Variants in KIF26B observed in about 807,000 individuals in gnomAD.
The protein encoded by KIF26B is kinesin-like protein KIF26B.
Under a neutral mutation model 151.2 loss-of-function variants are expected in KIF26B, and 63 were observed. The ratio of observed to expected loss-of-function variants is 0.42; its 90% CI spans 0.34 to 0.51. KIF26B has a LOEUF of 0.51. KIF26B is among the 20% of genes least tolerant of loss of function. The pLI is 0.07. For synonymous variants in KIF26B, 1,357 were observed against 1,262.1 expected (o/e 1.08, Z -1.59); for missense variants, 2,813 against 2,913.6 (o/e 0.97, Z 0.79).
At chr1:245,164,149 T>G (rs554684747) in intron 2 of KIF26B, among the ~76,000 whole-genome samples, 12 of 152,362 alleles carry the variant, frequency 7.9e-5, no homozygotes, top group African/African-American at 2.9e-4. Flanking sequence ...TTTAGTGTTT[T>G]ATTAGGAATG....
chr1:245,458,600 G>A (rs184777298), intron 4 of KIF26B, among the ~76,000 whole-genome samples: 4 of 152,272 alleles, frequency 2.6e-5, no homozygotes, highest in South Asian at 2.1e-4. Context: ...TAGAGTAGAC[G>A]CTCATAATAG....
At chr1:245,523,121 C>A (rs531278082) in intron 4 of KIF26B, among the ~76,000 whole-genome samples, 1 of 152,286 alleles carries the variant, frequency 6.6e-6, no homozygotes, top group Admixed American at 6.5e-5. Flanking sequence ...TGACCATGGC[C>A]ACAGAGCTCT....
rs1339299772 is a variant in KIF26B, at chr1:245,640,107, G to A, written c.2099-6014G>A. Among the ~76,000 whole-genome samples, 3 of 76,014 alleles carry A rather than the reference G, an allele frequency of 3.9e-5. No individual in the cohort carries two copies. In the East Asian group the frequency reaches 1.3e-3, roughly 34 times the overall value. The allele number at this position is 76,014 out of a possible 152,430, so 49.9% of individuals were successfully genotyped here. On this transcript the variant is annotated intron_variant, in intron 9 of 14. Transcript: ENST00000407071. ...TATTGTAGTCTACCTCTCCTGTTTA[G>A]ATCTACTAATATTTGCTCTCTCTCT...
rs547373786 is a variant in KIF26B at position 245,170,430 on chromosome 1, G to A, written c.465+13747G>A. On this transcript the variant is annotated intron_variant, in intron 2 of 14. Coordinates refer to ENST00000407071, the MANE Select transcript of KIF26B (RefSeq NM_018012.4). The surrounding 1 kb of genome is among the most constrained non-coding windows in gnomAD (Gnocchi z 4.4). ...AATGCTCACTGGATGCTTACAATTG[G>A]TTCCAGGTGTTCCAGGGACGAAACT... Among the ~76,000 whole-genome samples, 137 of 152,294 alleles carry A rather than the reference G, an allele frequency of 9.0e-4. No homozygotes were observed. Among genetic ancestry groups the A allele is most frequent in the African/African-American group, 3.2e-3 (135 of 41,576 alleles).
chr1:245,435,293 C>A (rs1658890589), intron 4 of KIF26B, among the ~76,000 whole-genome samples: 1 of 152,226 alleles, frequency 6.6e-6, no homozygotes, highest in Non-Finnish European at 1.5e-5. Flanking sequence ...TCCAGCAGGG[C>A]AGCCAGTCCC....
chr1:245,517,799 C>T (rs1486496281), intron 4 of KIF26B, among the ~76,000 whole-genome samples: 1 of 149,894 alleles, frequency 6.7e-6, no homozygotes, highest in African/African-American at 2.5e-5. Flanking sequence ...GAAGGGAGGG[C>T]GTTTGGGCAG....
chr1:245,374,110 T>A (rs1358294090), intron 3 of KIF26B, among the ~76,000 whole-genome samples: 3 of 47,166 alleles, frequency 6.4e-5, no homozygotes, highest in African/African-American at 1.2e-4. Context: ...TATATATATA[T>A]ATATATATAT....
intron 3 of KIF26B, among the ~76,000 whole-genome samples, chr1:245,397,803 C>A (rs1673884449): frequency 6.6e-6 from 1 of 152,088 alleles, no homozygotes; most frequent in Non-Finnish European, 1.5e-5. Flanking sequence ...TTTTATTGCT[C>A]CTGAGAATAG....
At chr1:245,431,160 A>T (rs1360532613) in intron 4 of KIF26B, among the ~76,000 whole-genome samples, 1 of 152,106 alleles carries the variant, frequency 6.6e-6, no homozygotes, top group East Asian at 1.9e-4. Flanking sequence ...CACAGAAGCT[A>T]TAGGGGGAAG....
chr1:245,285,504 T>C (rs1320221350), intron 2 of KIF26B, among the ~76,000 whole-genome samples: 1 of 152,192 alleles, frequency 6.6e-6, no homozygotes, highest in Non-Finnish European at 1.5e-5. Flanking sequence ...TTGCTAGTGC[T>C]GTGGATCTGT....
In KIF26B at chr1:245,687,576, C is replaced by T. The variant is rs893439960; in HGVS notation, c.4593C>T (p.Ser1531=). 5.1e-6 allele frequency: 8 copies of T among 1,564,982 alleles called. No individual in the cohort carries two copies. Among genetic ancestry groups the T allele is most frequent in the Non-Finnish European group, 6.9e-6 (8 of 1,155,192 alleles). ...AGAGCCCCGTGCATCCCAACAAAAG[C>T]GTCAAGTCCAGCAGCCTTCCCAGGG... ...ATQSPVHPNK[S]VKSSSLPRAF... Residue 1531 remains serine, a synonymous_variant, in exon 12 of 15, where the codon AGC becomes AGT. Coordinates refer to ENST00000407071, the MANE Select transcript of KIF26B (RefSeq NM_018012.4). This position sits in a 1 kb window ranked among gnomAD's most constrained non-coding sequence, Gnocchi z 4.9.
In KIF26B at chr1:245,294,205, C is replaced by T. The variant is rs570112935; in HGVS notation, c.466-72629C>T. Among the ~76,000 whole-genome samples, 311 of 152,190 alleles carry T rather than the reference C, an allele frequency of 2.0e-3. 1 individual carries two copies. Among genetic ancestry groups the T allele is most frequent in the African/African-American group, 7.1e-3 (296 of 41,526 alleles). On this transcript the variant is annotated intron_variant, in intron 2 of 14. Transcript: ENST00000407071. ...AAGGTGGCACAGTTGTGTTGGAAAC[C>T]TCCCACGGGGTCTCCAGGCTCTCAT...
intron 5 of KIF26B, among the ~76,000 whole-genome samples, chr1:245,586,892 CAAAA>C (rs10715064): frequency 1.8e-5 from 2 of 111,594 alleles, no homozygotes; most frequent in Middle Eastern, 4.7e-3. Context: ...GACTCCGTCT[CAAAA>C]AAAAAAAAAA....
At chr1:245,425,510 G>C (rs555608046) in intron 4 of KIF26B, among the ~76,000 whole-genome samples, 1 of 152,118 alleles carries the variant, frequency 6.6e-6, no homozygotes, top group Non-Finnish European at 1.5e-5. Context: ...AGGTTCAAGC[G>C]ATTTTCCTGG....
At chr1:245,184,778 C>G (rs1196720236) in intron 2 of KIF26B, among the ~76,000 whole-genome samples, 1 of 152,196 alleles carries the variant, frequency 6.6e-6, no homozygotes, top group African/African-American at 2.4e-5. Context: ...CCTTATATCT[C>G]TGAGAAAACA....
At chr1:245,370,498 G>A (rs2103012090) in intron 3 of KIF26B, 1 of 416,714 alleles carries the variant, frequency 2.4e-6, no homozygotes, top group South Asian at 1.7e-5. Flanking sequence ...TTTTACCCAG[G>A]CCATAGTTTC....
chr1:245,355,168 G>A (rs1336812479), intron 2 of KIF26B, among the ~76,000 whole-genome samples: 4 of 152,012 alleles, frequency 2.6e-5, no homozygotes, highest in East Asian at 1.9e-4. Flanking sequence ...CAGGTGGTCC[G>A]CCCATCTCGG....
intron 2 of KIF26B, among the ~76,000 whole-genome samples, chr1:245,251,226 A>G (rs1342039598): frequency 6.6e-6 from 1 of 152,166 alleles, no homozygotes; most frequent in Non-Finnish European, 1.5e-5. Context: ...AAACCACACT[A>G]TTTGTACAAA....
chr1:245,538,650 C>A (rs1661536261), intron 4 of KIF26B, among the ~76,000 whole-genome samples: 1 of 152,060 alleles, frequency 6.6e-6, no homozygotes, highest in Non-Finnish European at 1.5e-5. Context: ...GACTGGGAAC[C>A]CCAGCAGGTA....
Sources: allele counts gnomAD v4.1 joint callset (sites outside exome capture counted in the v4.1 genomes callset), GRCh38; gene constraint gnomAD v4.1.1; non-coding constraint Gnocchi (gnomAD v3.1); transcripts MANE v1.5; gene names NCBI Gene and HGNC (gene_info 2026-07-23, HGNC 2026-07-21).